Variants in DDX10 observed in about 807,000 individuals in gnomAD.
DDX10 encodes probable ATP-dependent RNA helicase DDX10.
Under a neutral mutation model 104.3 loss-of-function variants are expected in DDX10, and 74 were observed. The observed-to-expected ratio is 0.71, with a 90% CI of 0.59 to 0.86. The LOEUF (loss-of-function observed/expected upper bound fraction) is 0.86. DDX10 is among the 40% of genes least tolerant of loss of function. The pLI is 0.00. For synonymous variants in DDX10, 351 were observed against 353.4 expected (o/e 0.99, Z 0.08); for missense variants, 952 against 1,040.0 (o/e 0.92, Z 1.16).
At chr11:108,886,088 A>T (rs950141346) in intron 16 of DDX10, among the ~76,000 whole-genome samples, 31 of 152,186 alleles carry the variant, frequency 2.0e-4, no homozygotes, top group Non-Finnish European at 5.9e-5. Context: ...TAATTTACCC[A>T]TGTATAATAC....
intron 13 of DDX10, among the ~76,000 whole-genome samples, chr11:108,786,140 C>G (rs1400093668): frequency 6.6e-6 from 1 of 151,768 alleles, no homozygotes; most frequent in Admixed American, 6.6e-5. Context: ...TGTTTAATTT[C>G]TATGTTTTTG....
intron 13 of DDX10, among the ~76,000 whole-genome samples, chr11:108,773,709 C>G (rs1309412938): frequency 6.6e-6 from 1 of 151,952 alleles, no homozygotes; most frequent in Non-Finnish European, 1.5e-5. Flanking sequence ...CTATTTACAG[C>G]CAAATTGAGG....
At chr11:108,740,158 C>T (rs1053328031) in intron 13 of DDX10, among the ~76,000 whole-genome samples, 5 of 151,956 alleles carry the variant, frequency 3.3e-5, no homozygotes, top group African/African-American at 1.2e-4. Flanking sequence ...CTCAAGTAGG[C>T]CCCTGTGTCT....
Position 108,715,943 on chromosome 11 carries a change from G to A in DDX10, c.1387G>A (p.Asp463Asn), listed in dbSNP as rs1036166112. 6.4e-7 allele frequency: 1 copy of A among 1,560,090 alleles called. No individual in the cohort carries two copies. The highest frequency in any genetic ancestry group is 8.8e-7 in the Non-Finnish European group (1 of 1,134,382). ...KLESILAQDQ[D>N]LKERAQRCFV... is the part of the protein sequence containing the mutation. ...GGAATCTATTTTAGCTCAAGATCAA[G>A]ATTTAAAAGAAAGAGCTCAAAGGGT... Residue 463 changes from aspartate (D) to asparagine (N), a missense_variant, in exon 11 of 18, where the codon GAT becomes AAT. Physicochemically the swap from Asp to Asn is conservative, Grantham distance 23 (BLOSUM62 1). Transcript: ENST00000322536.
intron 15 of DDX10, among the ~76,000 whole-genome samples, chr11:108,850,105 T>A (rs949674330): frequency 1.3e-5 from 2 of 152,136 alleles, no homozygotes; most frequent in African/African-American, 4.8e-5. Context: ...CACTCAGTAT[T>A]AAAAGTTTGT....
At chr11:108,761,234 T>C (rs2094350491) in intron 13 of DDX10, among the ~76,000 whole-genome samples, 1 of 152,128 alleles carries the variant, frequency 6.6e-6, no homozygotes, top group Non-Finnish European at 1.5e-5. Context: ...CTTTTTCAAC[T>C]CAGTTGATTA....
At chr11:108,873,310 T>C (rs1018709734) in intron 16 of DDX10, among the ~76,000 whole-genome samples, 7 of 152,270 alleles carry the variant, frequency 4.6e-5, no homozygotes, top group Middle Eastern at 3.4e-3. Flanking sequence ...TAGGATGATA[T>C]TTATCAAAAA....
intron 13 of DDX10, among the ~76,000 whole-genome samples, chr11:108,759,668 A>C (rs780030035): frequency 6.6e-6 from 1 of 152,030 alleles, no homozygotes; most frequent in African/African-American, 2.4e-5. Flanking sequence ...TGAACTTGAC[A>C]AATGCTAAAA....
intron 17 of DDX10, among the ~76,000 whole-genome samples, chr11:108,927,549 G>A (rs1014461507): frequency 2.6e-5 from 4 of 152,152 alleles, no homozygotes; most frequent in Admixed American, 2.0e-4. Context: ...ACTGCATCCA[G>A]CAGGAGAGAA....
chr11:108,786,754 ATC>A (rs1378253235), intron 13 of DDX10, among the ~76,000 whole-genome samples: 1 of 152,110 alleles, frequency 6.6e-6, no homozygotes, highest in Admixed American at 6.6e-5. Context: ...TGTGAGATCC[ATC>A]TATTGAAGGC....
intron 13 of DDX10, among the ~76,000 whole-genome samples, chr11:108,748,278 A>G (rs952684693): frequency 2.0e-5 from 3 of 152,192 alleles, no homozygotes; most frequent in Non-Finnish European, 1.5e-5. Flanking sequence ...ATGAGCGGAG[A>G]CTTCTGAACG....
At position 108,889,550 on chromosome 11, in the gene DDX10, A is replaced by G. The variant is rs565498703; in HGVS notation, c.2305-28323A>G. On this transcript the variant is annotated intron_variant, in intron 16 of 17. Transcript: ENST00000322536. ...TGCTTCAGATTACTTTTTATTAAGG[A>G]AACAAAATATTACTGAAAAAAACTT... is the stretch of plus-strand genomic sequence containing the variant. Among the ~76,000 whole-genome samples the G allele has an allele frequency of 7.5e-4, 114 of 152,302 alleles. 5 individuals carry two copies. In the South Asian group the frequency reaches 0.022, roughly 30 times the overall value.
At chr11:108,896,283 G>A (rs1209930925) in intron 16 of DDX10, among the ~76,000 whole-genome samples, 1 of 151,948 alleles carries the variant, frequency 6.6e-6, no homozygotes, top group African/African-American at 2.4e-5. Flanking sequence ...TGAATCCAAC[G>A]TGGCAGATCT....
chr11:108,775,305 T>C (rs540561516), intron 13 of DDX10, among the ~76,000 whole-genome samples: 3 of 152,342 alleles, frequency 2.0e-5, no homozygotes, highest in South Asian at 2.1e-4. Context: ...CAGGTTTACA[T>C]TGACAGAAAG....
At chr11:108,847,966 T>A (rs549832673) in intron 15 of DDX10, among the ~76,000 whole-genome samples, 58 of 152,314 alleles carry the variant, frequency 3.8e-4, no homozygotes, top group South Asian at 8.3e-4. Context: ...TTATGCTTTT[T>A]AACTATTCAG....
chr11:108,768,053 C>G (rs2094358328), intron 13 of DDX10: 1 of 152,218 alleles, frequency 6.6e-6, no homozygotes, highest in Non-Finnish European at 1.5e-5. Flanking sequence ...TTTCTTTTCT[C>G]TAGCTTACTT....
At chr11:108,791,264 C>T (rs549913296) in intron 13 of DDX10, among the ~76,000 whole-genome samples, 6 of 152,220 alleles carry the variant, frequency 3.9e-5, no homozygotes, top group Non-Finnish European at 8.8e-5. Context: ...ATCCGTGTAC[C>T]TGCCAAATGG....
intron 13 of DDX10, among the ~76,000 whole-genome samples, chr11:108,728,504 C>CT (rs71050884): frequency 0.13 from 15,128 of 118,792 alleles, 2,375 homozygotes; most frequent in African/African-American, 0.19. Flanking sequence ...CACATTTGTT[C>CT]TTTTTTTTTT....
At chr11:108,836,960 C>T (rs1180976396) in intron 13 of DDX10, among the ~76,000 whole-genome samples, 2 of 152,200 alleles carry the variant, frequency 1.3e-5, no homozygotes, top group Non-Finnish European at 2.9e-5. Flanking sequence ...GGTCCCTCCT[C>T]TCTTTTCCTT....
Sources: gnomAD v4.1 joint callset for allele counts (sites outside exome capture counted in the v4.1 genomes callset) on GRCh38, gnomAD v4.1.1 for gene constraint, MANE v1.5 for transcripts, NCBI Gene and HGNC (gene_info 2026-07-23, HGNC 2026-07-21) for gene names.